The following THSD4 variants were observed in gnomAD, a reference collection of about 807,000 sequenced individuals.
THSD4 encodes the protein thrombospondin type 1 domain containing 4, also known as thrombospondin type-1 domain-containing protein 4.
THSD4 carries 69 observed loss-of-function variants against 119.0 expected under a neutral mutation model. The observed-to-expected ratio is 0.58, with a 90% CI of 0.48 to 0.71. THSD4 has a LOEUF of 0.71. Ranked by LOEUF, THSD4 falls within the 30% of genes least tolerant of loss-of-function variation. The pLI is 0.00. For synonymous variants in THSD4, 524 were observed against 540.4 expected (o/e 0.97, Z 0.42); for missense variants, 1,393 against 1,391.1 (o/e 1.00, Z -0.02).
rs529755846 is a variant in THSD4, at chr15:71,697,009, C to G, written c.1358-31540C>G. Among the ~76,000 whole-genome samples, 13 of 152,286 alleles carry G rather than the reference C, an allele frequency of 8.5e-5. No individual in the cohort carries two copies. In the South Asian group the frequency reaches 1.0e-3, roughly 12 times the overall value. ...GACTTGAGAGGCAGCCTTCAGAATG[C>G]ACAGCTTCTCAGGTGAGGAGAACAG... On this transcript the variant is annotated intron_variant, in intron 8 of 17. Transcript: ENST00000261862.
chr15:71,731,382 A>G (rs1275054864), intron 10 of THSD4, 165 bp downstream of exon 10: 2 of 652,576 alleles, frequency 3.1e-6, no homozygotes, highest in African/African-American at 1.8e-5. Context: ...AGGCTTCACC[A>G]TTTGTCTGAG....
chr15:71,214,805 C>G (rs528921140), intron 3 of THSD4, among the ~76,000 whole-genome samples: 8 of 152,372 alleles, frequency 5.3e-5, no homozygotes, highest in African/African-American at 1.9e-4. Flanking sequence ...GGCCATGACA[C>G]CCAAAGCCAG....
intron 7 of THSD4, among the ~76,000 whole-genome samples, chr15:71,617,262 G>T (rs1467291352): frequency 1.3e-5 from 2 of 152,110 alleles, no homozygotes; most frequent in African/African-American, 4.8e-5. Context: ...AGCCAGAAAC[G>T]AATTAATGGA....
Position 71,243,079 on chromosome 15 carries a change from A to G in THSD4, c.895A>G (p.Lys299Glu). Residue 299 changes from lysine (K) to glutamate (E), a missense_variant, in exon 5 of 18, where the codon AAG becomes GAG. Transcript: ENST00000261862. ...ISCIGAYRQY[K>E]LCNTNVCPES... ...ATGCATCGGGGCCTATCGGCAGTAC[A>G]AGCTGTGCAACACCAACGTGAGTAC... is the stretch of plus-strand genomic sequence containing the variant. The G allele has an allele frequency of 6.2e-7, 1 of 1,613,532 alleles. No homozygotes were observed. Among genetic ancestry groups the G allele is most frequent in the Non-Finnish European group, 8.5e-7 (1 of 1,179,682 alleles).
intron 6 of THSD4, among the ~76,000 whole-genome samples, chr15:71,400,322 T>TA (rs1243479288): frequency 6.6e-6 from 1 of 152,190 alleles, no homozygotes; most frequent in Non-Finnish European, 1.5e-5. Flanking sequence ...AGCTAAGACT[T>TA]AGTCTCACCC....
rs1489563223 is a variant in THSD4 at position 71,698,653 on chromosome 15, A to T, written c.1358-29896A>T. Among the ~76,000 whole-genome samples the T allele has an allele frequency of 2.6e-3, 367 of 139,962 alleles. 2 individuals are homozygous for T. Among genetic ancestry groups the T allele is most frequent in the African/African-American group, 8.6e-3 (335 of 38,822 alleles). The allele number at this position is 139,962 out of a possible 152,430, so 91.8% of individuals were successfully genotyped here. On this transcript the variant is annotated intron_variant, in intron 8 of 17. Coordinates refer to ENST00000261862, the MANE Select transcript of THSD4 (RefSeq NM_024817.3). ...TATACATGCATGTATATATACATGA[A>T]ATATATACATGCATGTATATATTTC...
chr15:71,524,129 A>C (rs2140793809), intron 7 of THSD4, among the ~76,000 whole-genome samples: 1 of 152,288 alleles, frequency 6.6e-6, no homozygotes, highest in East Asian at 1.9e-4. Flanking sequence ...CCACCCTCTG[A>C]GAAAAGATAA....
intron 8 of THSD4, among the ~76,000 whole-genome samples, chr15:71,695,134 T>A (rs566670007): frequency 6.6e-6 from 1 of 152,340 alleles, no homozygotes; most frequent in Non-Finnish European, 1.5e-5. Context: ...CCAGAGGCCC[T>A]TCCACAGGCT....
In THSD4 at chr15:71,725,319, G is replaced by T. The variant is rs142835491; in HGVS notation, c.1358-3230G>T. Among the ~76,000 whole-genome samples, 1,204 of 152,128 alleles carry T rather than the reference G, an allele frequency of 7.9e-3. 26 individuals are homozygous for T. Among genetic ancestry groups the T allele is most frequent in the Admixed American group, 0.04 (615 of 15,276 alleles). ...AAGACATCTGACTAAAGCTGGCAAG[G>T]AGGTAATTACATATGAAATTCTAAG... On this transcript the variant is annotated intron_variant, in intron 8 of 17. Transcript: ENST00000261862.
At chr15:71,284,767 T>C (rs1596314161) in intron 6 of THSD4, among the ~76,000 whole-genome samples, 1 of 152,142 alleles carries the variant, frequency 6.6e-6, no homozygotes, top group South Asian at 2.1e-4. Flanking sequence ...TTCTGAATAA[T>C]AAAATAATTC....
chr15:71,214,529 C>A (rs72759630), intron 3 of THSD4, among the ~76,000 whole-genome samples: 11,561 of 152,326 alleles, frequency 0.076, 579 homozygotes, highest in Middle Eastern at 0.14. Flanking sequence ...CAGCTTCATT[C>A]TTGAAGTCAG....
At chr15:71,218,895 A>G (rs569354274) in intron 4 of THSD4, among the ~76,000 whole-genome samples, 3 of 152,336 alleles carry the variant, frequency 2.0e-5, no homozygotes, top group African/African-American at 7.2e-5. Context: ...CTTCCACCAG[A>G]TATTTATTAA....
chr15:71,695,502 ATGTG>A lies in THSD4; in HGVS notation c.1358-33019_1358-33016del, dbSNP rs3086738. Among the ~76,000 whole-genome samples the A allele has an allele frequency of 5.8e-3, 841 of 144,060 alleles. 6 individuals carry two copies. Among genetic ancestry groups the A allele is most frequent in the African/African-American group, 0.016 (635 of 38,846 alleles). The allele number at this position is 144,060 out of a possible 152,430, so 94.5% of individuals were successfully genotyped here. On this transcript the variant is annotated intron_variant, in intron 8 of 17. Transcript: ENST00000261862. The stretch of plus-strand genomic sequence containing the variant: ...ACACATAAAATATTTGTGTGTGTGC[ATGTG>A]TGTGTGTGTGTGTGTGTGTGTGTGT...
At chr15:71,210,753 A>G (rs758169272) in intron 3 of THSD4, among the ~76,000 whole-genome samples, 1 of 152,194 alleles carries the variant, frequency 6.6e-6, no homozygotes, top group Non-Finnish European at 1.5e-5. Context: ...TTTTTCACTA[A>G]TTAATATAGT....
In THSD4 at chr15:71,587,787, T is replaced by A. The variant is rs868312951; in HGVS notation, c.1153-72743T>A. Among the ~76,000 whole-genome samples, 366 of 105,486 alleles carry A rather than the reference T, an allele frequency of 3.5e-3. 8 individuals are homozygous for A. In the South Asian group the frequency reaches 0.049, roughly 14 times the overall value. 69.2% of individuals were successfully genotyped at this position (105,486 alleles called of 152,430 possible). On this transcript the variant is annotated intron_variant, in intron 7 of 17. Transcript: ENST00000261862. ...TTAGAGTATAATAAAAAAAAAAAAT[T>A]AAAAAAAAAAAAGAAAAAAAAAAAA...
At chr15:71,511,967 GCAATGAA>G (rs2048290184) in intron 7 of THSD4, among the ~76,000 whole-genome samples, 1 of 152,122 alleles carries the variant, frequency 6.6e-6, no homozygotes, top group Non-Finnish European at 1.5e-5. Context: ...ATTTTAATAT[GCAATGAA>G]CAATCTGCTG....
rs117218233 is a variant in THSD4, at chr15:71,507,605, C to G, written c.1152+95782C>G. Among the ~76,000 whole-genome samples the G allele has an allele frequency of 7.0e-3, 1,060 of 152,238 alleles. 7 individuals are homozygous for G. Among genetic ancestry groups the G allele is most frequent in the Non-Finnish European group, 9.2e-3 (624 of 68,018 alleles). Reference sequence around the variant, plus strand: ...TGAGGAGAGAAGGGGAGTAGTCAGGCAGTTTCTAGCAGTTACCTCCCCACA... The same window carrying G: ...TGAGGAGAGAAGGGGAGTAGTCAGGGAGTTTCTAGCAGTTACCTCCCCACA... On this transcript the variant is annotated intron_variant, in intron 7 of 17. Coordinates refer to ENST00000261862, the MANE Select transcript of THSD4 (RefSeq NM_024817.3).
At chr15:71,610,977 A>G (rs1009403348) in intron 7 of THSD4, among the ~76,000 whole-genome samples, 1 of 152,186 alleles carries the variant, frequency 6.6e-6, no homozygotes, top group East Asian at 1.9e-4. Flanking sequence ...AAGAAGTGAG[A>G]AGGACTGGGG....
intron 3 of THSD4, among the ~76,000 whole-genome samples, chr15:71,199,497 G>GGTGTGTGTGT (rs1265958793): frequency 7.1e-6 from 1 of 141,364 alleles, no homozygotes; most frequent in African/African-American, 2.6e-5. Context: ...GGGTGTGTGT[G>GGTGTGTGTGT]GTGTGTGTGT....
Sources: gnomAD v4.1 joint callset for allele counts (sites outside exome capture counted in the v4.1 genomes callset) on GRCh38, gnomAD v4.1.1 for gene constraint, MANE v1.5 for transcripts, NCBI Gene and HGNC (gene_info 2026-07-23, HGNC 2026-07-21) for gene names.